The following SBF1 variants were observed in gnomAD, a reference collection of about 807,000 sequenced individuals.
SBF1 encodes the protein myotubularin-related protein 5.
In SBF1, 65 loss-of-function variants were observed where a neutral mutation model predicts 215.8. The ratio of observed to expected loss-of-function variants is 0.30; its 90% confidence interval spans 0.25 to 0.37. SBF1 has a LOEUF of 0.37. Among genes scored for constraint, SBF1 ranks in the 10% least tolerant of loss-of-function variants. SBF1 has a pLI of 1.00. For synonymous variants in SBF1, 1,410 were observed against 1,122.8 expected, an observed-to-expected ratio of 1.26 and a Z score of -5.11; for missense variants, 2,634 against 2,667.8, an observed-to-expected ratio of 0.99 and a Z score of 0.28.
At chr22:50,463,244 C>T (rs757038637) in intron 16 of SBF1, 39 bp downstream of exon 16, 40 of 1,608,866 alleles carry the variant, frequency 2.5e-5, no homozygotes, top group African/African-American at 1.2e-4. Flanking sequence ...CCCGCTCATG[C>T]GCCATGAGCC....
In SBF1 at chr22:50,452,117, T is replaced by G. The variant is rs1027417799; in HGVS notation, c.5043+2395A>C. ...AGCCTAGTAATGAGATCTTTTAAAG[T>G]GACATCAGTTTAACTGCTGAATTAA... On this transcript the variant is annotated intron_variant, in intron 36 of 40. Transcript: ENST00000380817. 2.9e-5 allele frequency among the ~76,000 whole-genome samples: 4 copies of G among 138,872 alleles called. No individual in the cohort carries two copies. The Admixed American group carries it at 3.0e-4, about 11-fold the overall frequency. The allele number at this position is 138,872 out of a possible 152,430, so 91.1% of individuals were successfully genotyped here. A position where few individuals can be genotyped will look rare whatever the true frequency, so the allele number is the denominator to read the frequency against.
Position 50,462,493 on chromosome 22 carries a change from A to G in SBF1, c.2128-20T>C, listed in dbSNP as rs533200758. 2.9e-5 allele frequency: 46 copies of G among 1,612,484 alleles called. No homozygotes were observed. Among genetic ancestry groups the G allele is most frequent in the East Asian group, 2.7e-4 (12 of 44,846 alleles). ...AACCTCCTGCCACGGCACCACACGC[A>G]TGAGCCGGGGCCACGCTGCCCCAGC... On this transcript the variant is annotated intron_variant, in intron 18 of 40. Transcript: ENST00000380817.
chr22:50,458,279 T>G (rs1603431763), intron 28 of SBF1, among the ~76,000 whole-genome samples: 3 of 116,822 alleles, frequency 2.6e-5, no homozygotes, highest in African/African-American at 3.4e-5. Context: ...CACTCCAGCG[T>G]GGGTGACAGA....
In SBF1 at chr22:50,474,976, C is replaced by G; in HGVS notation, c.-136G>C. The stretch of plus-strand genomic sequence containing the variant: ...CCCCTGGTTCGCTCCGCGGCGGCGG[C>G]GGCGGCGGCGGCGGCGGCCCAGGTT... On this transcript the variant is annotated 5_prime_UTR_variant, in exon 1 of 41. Coordinates refer to ENST00000380817, the MANE Select transcript of SBF1 (RefSeq NM_002972.4). 2.9e-6 allele frequency: 1 copy of G among 343,268 alleles called. No individual in the cohort carries two copies. Among genetic ancestry groups the G allele is most frequent in the South Asian group, 7.9e-5 (1 of 12,708 alleles). 21.3% of individuals were successfully genotyped at this position (343,268 alleles called of 1,614,324 possible). A position where few individuals can be genotyped will look rare whatever the true frequency, so the allele number is the denominator to read the frequency against.
intron 36 of SBF1, among the ~76,000 whole-genome samples, chr22:50,453,364 G>A (rs1435858870): frequency 3.3e-5 from 5 of 152,132 alleles, no homozygotes; most frequent in African/African-American, 1.2e-4. Flanking sequence ...CATGACTCCC[G>A]TACTCCCCCA....
Position 50,447,001 on chromosome 22 carries a change from G to A in SBF1, c.*141C>T, listed in dbSNP as rs2066853271. The stretch of plus-strand genomic sequence containing the variant: ...GGCCGGGCGGGGCGGGGCGGGGACG[G>A]GGGCTGTACACACAAGTGCTGGGGG... On this transcript the variant is annotated 3_prime_UTR_variant, in exon 41 of 41. Transcript: ENST00000380817. The A allele has an allele frequency of 9.0e-6, 7 of 780,572 alleles. No homozygotes were observed. Among genetic ancestry groups the A allele is most frequent in the Admixed American group, 4.2e-5 (2 of 47,766 alleles). The allele number at this position is 780,572 out of a possible 1,614,324, so 48.4% of individuals were successfully genotyped here.
rs61023559 is a variant in SBF1, at chr22:50,466,228, C to A, written c.819G>T (p.Gln273His). ...SFTYVPILPA[Q>H]LLEVLSTPTP... ...TGGGTGTGCTGAGGACCTCCAGCAG[C>A]TGAGCCGGCAGGATGGGCACATAGG... is the stretch of plus-strand genomic sequence containing the variant. Residue 273 changes from glutamine (Q) to histidine (H), a missense_variant, in exon 8 of 41, where the codon CAG becomes CAT. Coordinates refer to ENST00000380817, the MANE Select transcript of SBF1 (RefSeq NM_002972.4). 1 of 1,613,484 alleles carries A rather than the reference C, an allele frequency of 6.2e-7. No homozygotes were observed. The highest frequency in any genetic ancestry group is 8.5e-7 in the Non-Finnish European group (1 of 1,180,032).
At position 50,462,290 on chromosome 22, in the gene SBF1, G is replaced by A. The variant is rs552642724; in HGVS notation, c.2311C>T (p.Leu771=). ...AGTAGGCGGCTCTTGCTGCTGTCCAGGGGCAGGAGGAGGTAGCTCATGCGG... is the reference window on the plus strand; with the variant it reads ...AGTAGGCGGCTCTTGCTGCTGTCCAAGGGCAGGAGGAGGTAGCTCATGCGG... ...ANRMSYLLLP[L]DSSKSRLLRE... Residue 771 remains leucine (L), a synonymous_variant, in exon 19 of 41, where the codon CTG becomes TTG. Transcript: ENST00000380817. The A allele has an allele frequency of 4.3e-6, 7 of 1,613,332 alleles. No individual in the cohort carries two copies. In the Admixed American group the frequency reaches 6.7e-5, roughly 15 times the overall value.
intron 1 of SBF1, among the ~76,000 whole-genome samples, chr22:50,469,293 C>G (rs1283257713): frequency 2.6e-5 from 4 of 152,244 alleles, no homozygotes; most frequent in Admixed American, 6.5e-5. Context: ...ACAGCCTAAG[C>G]TCCCCTGGGC....
chr22:50,463,680 C>A (rs1380553746), intron 15 of SBF1, among the ~76,000 whole-genome samples: 2 of 152,232 alleles, frequency 1.3e-5, no homozygotes, highest in Non-Finnish European at 2.9e-5. Flanking sequence ...GAGGTGCGCT[C>A]CGGAGGGAGG....
At chr22:50,461,502 C>A (rs767182121) in intron 22 of SBF1, 21 bp downstream of exon 22, 2 of 1,580,516 alleles carry the variant, frequency 1.3e-6, no homozygotes, top group Non-Finnish European at 1.7e-6. Flanking sequence ...GGCGACAGGG[C>A]CAGAGAGTCT....
chr22:50,458,786 G>A (rs73441477), intron 28 of SBF1, among the ~76,000 whole-genome samples: 12,221 of 152,234 alleles, frequency 0.08, 537 homozygotes, highest in Non-Finnish European at 0.097. Context: ...CGAGGACAGA[G>A]GCCAAGCTGC....
intron 36 of SBF1, among the ~76,000 whole-genome samples, chr22:50,450,291 C>A (rs564976648): frequency 2.6e-3 from 392 of 152,094 alleles, no homozygotes; most frequent in Non-Finnish European, 4.4e-3. Flanking sequence ...GAGGCCAATG[C>A]GGGTGGATAA....
intron 9 of SBF1, 33 bp from the exon 10 acceptor site, chr22:50,465,873 G>A (rs749297440): frequency 7.4e-6 from 12 of 1,611,916 alleles, no homozygotes; most frequent in Admixed American, 3.3e-5. Flanking sequence ...GCAGCTGCAC[G>A]CTGGCCCCGG....
Position 50,447,225 on chromosome 22 carries a change from G to A in SBF1, c.5599C>T (p.Arg1867Cys), listed in dbSNP as rs754888523. 11 of 1,613,828 alleles carry A rather than the reference G, an allele frequency of 6.8e-6. No homozygotes were observed. Among genetic ancestry groups the A allele is most frequent in the African/African-American group, 2.7e-5 (2 of 74,938 alleles). Residue 1867 changes from arginine (R) to cysteine (C), a missense_variant, in exon 41 of 41, where the codon CGC (arginine) becomes TGC (cysteine). Arg to Cys is a radical substitution (Grantham distance 180, BLOSUM62 -3). Coordinates refer to ENST00000380817, the MANE Select transcript of SBF1 (RefSeq NM_002972.4). ...TCCTGGGCACAGAAGTTGTAAACGC[G>A]ACGCGTTGTCTTCACCTGGGGAAGG... ...KAFFDVKTTRRVYNFCAQDVP... is the reference protein window; with the variant it reads ...KAFFDVKTTRCVYNFCAQDVP...
At chr22:50,467,183 G>A (rs1408121364) in intron 5 of SBF1, 155 bp downstream of exon 5, 2 of 646,998 alleles carry the variant, frequency 3.1e-6, no homozygotes, top group East Asian at 5.4e-5. Context: ...AGGTAAGCAG[G>A]CCAGGACTGT....
At chr22:50,460,901 C>A (rs2067480749) in intron 23 of SBF1, among the ~76,000 whole-genome samples, 189 bp from the exon 24 acceptor site, 1 of 152,230 alleles carries the variant, frequency 6.6e-6, no homozygotes. Flanking sequence ...TGGCTGTGAG[C>A]TGAGGCCTGG....
chr22:50,449,546 CG>C (rs1052399679), intron 36 of SBF1, among the ~76,000 whole-genome samples: 13 of 150,572 alleles, frequency 8.6e-5, no homozygotes, highest in African/African-American at 3.2e-4. Flanking sequence ...ACTCAGGGGG[CG>C]GAAGTTGCAG....
chr22:50,461,031 G>A (rs2067485722), intron 23 of SBF1, 128 bp downstream of exon 23: 1 of 1,258,008 alleles, frequency 7.9e-7, no homozygotes, highest in Non-Finnish European at 1.1e-6. Context: ...GAGGGCCCCA[G>A]ACATGCAAGC....
Sources: gnomAD v4.1 joint callset for allele counts (sites outside exome capture counted in the v4.1 genomes callset) on GRCh38, gnomAD v4.1.1 for gene constraint, MANE v1.5 for transcripts, NCBI Gene and HGNC (gene_info 2026-07-23, HGNC 2026-07-21) for gene names.